Variants in PIEZO2 observed in about 807,000 individuals in gnomAD.
The protein encoded by PIEZO2 is piezo type mechanosensitive ion channel component 2.
PIEZO2 carries 172 observed loss-of-function variants against 337.3 expected under a neutral mutation model. The observed-to-expected ratio is 0.51, with a 90% CI of 0.45 to 0.58. The LOEUF (loss-of-function observed/expected upper bound fraction) is 0.58, where lower values mean the gene tolerates loss of function less well. Ranked by LOEUF, PIEZO2 falls within the 20% of genes least tolerant of loss-of-function variation. The pLI is 0.00. For synonymous variants in PIEZO2, 1,251 were observed against 1,228.5 expected (o/e 1.02, Z -0.38); for missense variants, 3,028 against 3,391.3 (o/e 0.89, Z 2.66).
At chr18:10,926,610 G>C (rs1281652753) in intron 3 of PIEZO2, among the ~76,000 whole-genome samples, 1 of 151,992 alleles carries the variant, frequency 6.6e-6, no homozygotes, top group African/African-American at 2.4e-5. Flanking sequence ...TTTCCTTTTA[G>C]TACTCAGCTT....
In PIEZO2 at chr18:11,148,552, G is replaced by A. The variant is rs1347321373; in HGVS notation, c.37C>T (p.Leu13=). The A allele has an allele frequency of 1.3e-6, 2 of 1,537,110 alleles. No homozygotes were observed. The highest frequency in any genetic ancestry group is 1.4e-5 in the African/African-American group (1 of 73,060). ...SEVVCGLIFR[L]LLPICLAVAC... The stretch of plus-strand genomic sequence containing the variant: ...ACTGCCAGGCAGATGGGCAGCAGCA[G>A]CCTGAAGATGAGCCCGCACACCACT... Residue 13 remains leucine (L), a synonymous_variant, in exon 1 of 56, where the codon CTG becomes TTG. Coordinates refer to ENST00000674853, the MANE Select transcript of PIEZO2 (RefSeq NM_001378183.1). The surrounding 1 kb of genome is among the most constrained non-coding windows in gnomAD (Gnocchi z 5.2).
chr18:11,131,908 A>G lies in PIEZO2; in HGVS notation c.64+16617T>C, dbSNP rs1344542295. Among the ~76,000 whole-genome samples, 4 of 152,190 alleles carry G rather than the reference A, an allele frequency of 2.6e-5. No individual in the cohort carries two copies. The highest frequency in any genetic ancestry group is 5.9e-5 in the Non-Finnish European group (4 of 68,034). On this transcript the variant is annotated intron_variant, in intron 1 of 55. Transcript: ENST00000674853. The surrounding 1 kb of genome is among the most constrained non-coding windows in gnomAD (Gnocchi z 5.3). ...TCCCCAGCCACCCAATGGGCCCATG[A>G]ACAAAGGGGCCATGGTGGCAGGGTT...
In PIEZO2 at chr18:10,672,102, A is replaced by G. The variant is rs1012446510; in HGVS notation, c.8346-323T>C. Reference sequence around the variant, plus strand: ...TTTGTTGCATATATTAAATGCATAAACCATATAATGTATTTGGTAGAAATG... The same window carrying G: ...TTTGTTGCATATATTAAATGCATAAGCCATATAATGTATTTGGTAGAAATG... On this transcript the variant is annotated intron_variant, in intron 55 of 55. Transcript: ENST00000674853. This position sits in a 1 kb window ranked among gnomAD's most constrained non-coding sequence, Gnocchi z 4.7. 7.9e-5 allele frequency among the ~76,000 whole-genome samples: 12 copies of G among 152,190 alleles called. No homozygotes were observed. The highest frequency in any genetic ancestry group is 2.9e-4 in the African/African-American group (12 of 41,448).
intron 4 of PIEZO2, among the ~76,000 whole-genome samples, chr18:10,881,463 T>C (rs2042418104): frequency 6.6e-6 from 1 of 152,096 alleles, no homozygotes. Flanking sequence ...GAGGTGAGAG[T>C]AGGATGCCGG....
At chr18:10,735,664 C>T (rs1008525701) in intron 34 of PIEZO2, among the ~76,000 whole-genome samples, 1 of 152,114 alleles carries the variant, frequency 6.6e-6, no homozygotes, top group African/African-American at 2.4e-5. Flanking sequence ...CACAAAAACC[C>T]GGTCATGAAG....
In PIEZO2 at chr18:10,952,874, C is replaced by G. The variant is rs2033359418; in HGVS notation, c.286+26661G>C. Among the ~76,000 whole-genome samples, 2 of 114,054 alleles carry G rather than the reference C, an allele frequency of 1.8e-5. No individual in the cohort carries two copies. Among genetic ancestry groups the G allele is most frequent in the African/African-American group, 5.7e-5 (2 of 35,280 alleles). 74.8% of individuals were successfully genotyped at this position (114,054 alleles called of 152,430 possible). ...GCATTTGGAATGCCTTCCCTTCCTT[C>G]CTTCCTTCCTTTCATCCCTCCCTCC... is the stretch of plus-strand genomic sequence containing the variant. On this transcript the variant is annotated intron_variant, in intron 3 of 55. Transcript: ENST00000674853. This position sits in a 1 kb window ranked among gnomAD's most constrained non-coding sequence, Gnocchi z 4.1.
intron 7 of PIEZO2, among the ~76,000 whole-genome samples, chr18:10,831,040 A>T (rs1198824817): frequency 1.3e-5 from 2 of 152,200 alleles, no homozygotes; most frequent in Non-Finnish European, 2.9e-5. Flanking sequence ...GCTAGCAAGG[A>T]TGTGGAGAAA....
At position 10,773,579 on chromosome 18, in the gene PIEZO2, GTCA is replaced by G; in HGVS notation, c.2615_2617del (p.Leu872_Thr873delinsPro). On this transcript the variant is annotated inframe_deletion, in exon 20 of 56. Coordinates refer to ENST00000674853, the MANE Select transcript of PIEZO2 (RefSeq NM_001378183.1). This position sits in a 1 kb window ranked among gnomAD's most constrained non-coding sequence, Gnocchi z 5.3. Reference sequence around the variant, plus strand: ...CACCTCCGGCTTCTCCAGGCTGGCAGTCAGATGCATCATGGTGAGGTCCGGGAG... The same window carrying G: ...CACCTCCGGCTTCTCCAGGCTGGCAGGATGCATCATGGTGAGGTCCGGGAG... 6.5e-7 allele frequency: 1 copy of G among 1,537,426 alleles called. No homozygotes were observed. Among genetic ancestry groups the G allele is most frequent in the Non-Finnish European group, 8.7e-7 (1 of 1,146,960 alleles).
At chr18:11,103,771 AAGAC>A (rs1233092176) in intron 1 of PIEZO2, among the ~76,000 whole-genome samples, 1 of 151,536 alleles carries the variant, frequency 6.6e-6, no homozygotes, top group African/African-American at 2.4e-5. Flanking sequence ...TTCCTTAAAA[AAGAC>A]AGATGCTGGT....
At chr18:10,743,728 A>C (rs1396654651) in intron 31 of PIEZO2, among the ~76,000 whole-genome samples, 1 of 152,218 alleles carries the variant, frequency 6.6e-6, no homozygotes, top group Admixed American at 6.5e-5. Flanking sequence ...TATATCAAGT[A>C]CTTGGCACTG....
intron 3 of PIEZO2, among the ~76,000 whole-genome samples, chr18:10,971,932 G>T (rs545911609): frequency 6.6e-6 from 1 of 152,046 alleles, no homozygotes; most frequent in South Asian, 2.1e-4. Flanking sequence ...TTGCCTCTGG[G>T]ACTCACTTTC....
rs1203140911 is a variant in PIEZO2 at position 11,028,696 on chromosome 18, A to T, written c.160+37431T>A. ...TAGGGATATATGTTTCCTTAGATAG[A>T]TCCTCACATATTCTGGAAGGAGAAG... is the stretch of plus-strand genomic sequence containing the variant. On this transcript the variant is annotated intron_variant, in intron 2 of 55. Coordinates refer to ENST00000674853, the MANE Select transcript of PIEZO2 (RefSeq NM_001378183.1). The surrounding 1 kb of genome is among the most constrained non-coding windows in gnomAD (Gnocchi z 4.8). Among the ~76,000 whole-genome samples, 3 of 152,188 alleles carry T rather than the reference A, an allele frequency of 2.0e-5. No individual in the cohort carries two copies. The highest frequency in any genetic ancestry group is 4.8e-5 in the African/African-American group (2 of 41,434).
intron 18 of PIEZO2, 28 bp from the exon 19 acceptor site, chr18:10,774,066 A>G: frequency 1.4e-6 from 1 of 702,046 alleles, no homozygotes; most frequent in South Asian, 1.5e-5. Context: ...AATAGAAAGG[A>G]AAAAAAGGAG....
intron 36 of PIEZO2, among the ~76,000 whole-genome samples, chr18:10,719,342 C>A (rs927429973): frequency 2.6e-5 from 4 of 152,110 alleles, no homozygotes; most frequent in African/African-American, 9.7e-5. Flanking sequence ...AACCCTCAAT[C>A]CCCCTGTCCC....
At chr18:11,023,944 C>A (rs955392666) in intron 2 of PIEZO2, among the ~76,000 whole-genome samples, 1 of 152,166 alleles carries the variant, frequency 6.6e-6, no homozygotes, top group Admixed American at 6.5e-5. Context: ...GTTCTGAGTG[C>A]GGGGCCGCCG....
chr18:10,955,248 T>C (rs780902892), intron 3 of PIEZO2, among the ~76,000 whole-genome samples: 14 of 152,148 alleles, frequency 9.2e-5, no homozygotes, highest in Non-Finnish European at 1.8e-4. Flanking sequence ...TTAATCTCCA[T>C]TGACAAAAAG....
Position 11,083,820 on chromosome 18 carries a change from T to TTGA in PIEZO2, c.65-17601_65-17599dup, listed in dbSNP as rs999048502. ...ATGTGACAGCCAGCTGTATACTTGT[T>TTGA]TGATATCAAAACAACCAGTCTCTTT... On this transcript the variant is annotated intron_variant, in intron 1 of 55. Coordinates refer to ENST00000674853, the MANE Select transcript of PIEZO2 (RefSeq NM_001378183.1). This position sits in a 1 kb window ranked among gnomAD's most constrained non-coding sequence, Gnocchi z 4.4. Among the ~76,000 whole-genome samples the TTGA allele has an allele frequency of 2.0e-5, 3 of 152,188 alleles. No homozygotes were observed. Among genetic ancestry groups the TTGA allele is most frequent in the African/African-American group, 7.2e-5 (3 of 41,440 alleles).
Position 10,888,443 on chromosome 18 carries a change from A to G in PIEZO2, c.330-17028T>C, listed in dbSNP as rs1054295887. Among the ~76,000 whole-genome samples, 17 of 152,090 alleles carry G rather than the reference A, an allele frequency of 1.1e-4. No individual in the cohort carries two copies. Among genetic ancestry groups the G allele is most frequent in the African/African-American group, 4.1e-4 (17 of 41,406 alleles). ...TACTCTCTGGGCTCCATTCCTTCAGAAAGCCCTATTTTCTTTTTGTGCACC... is the reference window on the plus strand; with the variant it reads ...TACTCTCTGGGCTCCATTCCTTCAGGAAGCCCTATTTTCTTTTTGTGCACC... On this transcript the variant is annotated intron_variant, in intron 4 of 55. Coordinates refer to ENST00000674853, the MANE Select transcript of PIEZO2 (RefSeq NM_001378183.1). This position sits in a 1 kb window ranked among gnomAD's most constrained non-coding sequence, Gnocchi z 4.1.
Position 10,855,741 on chromosome 18 carries a change from A to T in PIEZO2, c.704-175T>A, listed in dbSNP as rs1369963213. On this transcript the variant is annotated intron_variant, in intron 6 of 55. Transcript: ENST00000674853. The surrounding 1 kb of genome is among the most constrained non-coding windows in gnomAD (Gnocchi z 4.9). ...TATAATAAAAATTAATGCTAGATTTATTGTGAAAAAGTCACATATGAAATG... is the reference window on the plus strand; with the variant it reads ...TATAATAAAAATTAATGCTAGATTTTTTGTGAAAAAGTCACATATGAAATG... Among the ~76,000 whole-genome samples the T allele has an allele frequency of 6.6e-6, 1 of 152,246 alleles. No individual in the cohort carries two copies. Among genetic ancestry groups the T allele is most frequent in the Non-Finnish European group, 1.5e-5 (1 of 68,044 alleles).
Sources: allele counts gnomAD v4.1 joint callset (sites outside exome capture counted in the v4.1 genomes callset), GRCh38; gene constraint gnomAD v4.1.1; non-coding constraint Gnocchi (gnomAD v3.1); transcripts MANE v1.5; gene names NCBI Gene and HGNC (gene_info 2026-07-23, HGNC 2026-07-21).